The following FNDC3B variants were observed in gnomAD, a reference collection of about 807,000 sequenced individuals.
FNDC3B encodes the protein fibronectin type III domain-containing protein 3B.
Under a neutral mutation model 151.5 loss-of-function variants are expected in FNDC3B, and 12 were observed. The observed-to-expected ratio is 0.08, with a 90% CI of 0.05 to 0.13. The LOEUF (loss-of-function observed/expected upper bound fraction) is 0.13, where lower values mean the gene tolerates loss of function less well. Among genes scored for constraint, FNDC3B ranks in the 10% least tolerant of loss-of-function variants. The pLI is 1.00. For synonymous variants in FNDC3B, 528 were observed against 549.0 expected, an observed-to-expected ratio of 0.96 and a Z score of 0.54; for missense variants, 1,214 against 1,505.3, an observed-to-expected ratio of 0.81 and a Z score of 3.20.
chr3:172,217,976 CT>C (rs1726080396), intron 3 of FNDC3B, among the ~76,000 whole-genome samples: 1 of 151,994 alleles, frequency 6.6e-6, no homozygotes, highest in African/African-American at 2.4e-5. Context: ...AGTTTTGGTT[CT>C]TGGTAGTGAT....
chr3:172,222,980 A>T (rs1726364408), intron 3 of FNDC3B, among the ~76,000 whole-genome samples: 1 of 152,244 alleles, frequency 6.6e-6, no homozygotes, highest in African/African-American at 2.4e-5. Context: ...GAATACTGTC[A>T]TACAATCATT....
intron 2 of FNDC3B, among the ~76,000 whole-genome samples, chr3:172,128,677 T>C (rs1403276406): frequency 2.6e-5 from 4 of 152,222 alleles, no homozygotes; most frequent in Non-Finnish European, 5.9e-5. Flanking sequence ...TATTAGGTAT[T>C]CCTGGCTAGA....
intron 13 of FNDC3B, among the ~76,000 whole-genome samples, chr3:172,331,973 C>G (rs535628968): frequency 6.6e-6 from 1 of 152,054 alleles, no homozygotes; most frequent in African/African-American, 2.4e-5. Flanking sequence ...AGGGTTTGTG[C>G]TTGTTTGTTT....
intron 6 of FNDC3B, among the ~76,000 whole-genome samples, chr3:172,263,597 T>G (rs1270773120): frequency 4.6e-5 from 5 of 107,966 alleles, no homozygotes; most frequent in Admixed American, 3.5e-4. Flanking sequence ...TTTTTTTTTT[T>G]TTTTTTTTTT....
intron 11 of FNDC3B, among the ~76,000 whole-genome samples, chr3:172,321,437 G>T (rs1318442616): frequency 6.6e-6 from 1 of 152,190 alleles, no homozygotes; most frequent in African/African-American, 2.4e-5. Flanking sequence ...ATTCAGAGAG[G>T]TCCTTACTTT....
chr3:172,152,166 T>C (rs1722257918), intron 3 of FNDC3B, among the ~76,000 whole-genome samples: 1 of 152,244 alleles, frequency 6.6e-6, no homozygotes, highest in Non-Finnish European at 1.5e-5. Flanking sequence ...TTGTTTTGGC[T>C]GCCAATTCCT....
intron 25 of FNDC3B, among the ~76,000 whole-genome samples, chr3:172,392,033 A>G (rs1560113695): frequency 1.3e-5 from 2 of 152,246 alleles, no homozygotes; most frequent in African/African-American, 2.4e-5. Flanking sequence ...ATGTTGGGAA[A>G]TAACTTACAG....
At chr3:172,270,335 G>A (rs376634614) in intron 6 of FNDC3B, among the ~76,000 whole-genome samples, 8 of 152,242 alleles carry the variant, frequency 5.3e-5, no homozygotes, top group East Asian at 1.9e-4. Flanking sequence ...TTTTCCTTTC[G>A]AACTTAGCAT....
intron 25 of FNDC3B, among the ~76,000 whole-genome samples, chr3:172,394,215 G>T (rs534394718): frequency 7.3e-4 from 109 of 148,630 alleles, no homozygotes; most frequent in African/African-American, 2.7e-3. Context: ...AGATCCCAAC[G>T]TAACATTATA....
At chr3:172,169,444 C>T (rs1166719779) in intron 3 of FNDC3B, among the ~76,000 whole-genome samples, 1 of 152,196 alleles carries the variant, frequency 6.6e-6, no homozygotes, top group African/African-American at 2.4e-5. Flanking sequence ...GGGTTAAATG[C>T]TTCCTAGAGT....
At chr3:172,245,342 G>C (rs1248980498) in intron 4 of FNDC3B, among the ~76,000 whole-genome samples, 1 of 152,136 alleles carries the variant, frequency 6.6e-6, no homozygotes, top group Admixed American at 6.5e-5. Context: ...ACTTTTGGAA[G>C]TTTTACACTG....
intron 1 of FNDC3B, among the ~76,000 whole-genome samples, chr3:172,097,614 G>A (rs937360920): frequency 3.3e-5 from 5 of 152,040 alleles, no homozygotes; most frequent in East Asian, 1.9e-4. Context: ...CAACTTATTC[G>A]TTATTCTATT....
intron 18 of FNDC3B, among the ~76,000 whole-genome samples, chr3:172,343,884 C>T (rs1467708746): frequency 6.6e-6 from 1 of 152,106 alleles, no homozygotes; most frequent in African/African-American, 2.4e-5. Flanking sequence ...CTTCAGTGGA[C>T]CCGCTTTGGA....
At position 172,051,077 on chromosome 3, in the gene FNDC3B, TTTC is replaced by T. The variant is rs1484818674; in HGVS notation, c.-29+11312_-29+11314del. Among the ~76,000 whole-genome samples the T allele has an allele frequency of 2.0e-4, 30 of 151,862 alleles. No individual in the cohort carries two copies. In the East Asian group the frequency reaches 5.8e-3, roughly 29 times the overall value. ...TCATTTTAGATAACTTATCATTTTC[TTTC>T]TTCTTTTTTTTTTTTTTTTGGAGAT... On this transcript the variant is annotated intron_variant, in intron 1 of 25. Coordinates refer to ENST00000415807, the MANE Select transcript of FNDC3B (RefSeq NM_022763.4).
chr3:172,125,031 C>G (rs1400092269), intron 2 of FNDC3B, among the ~76,000 whole-genome samples: 1 of 152,208 alleles, frequency 6.6e-6, no homozygotes, highest in Non-Finnish European at 1.5e-5. Flanking sequence ...TCAGATCCTA[C>G]CTTCTGGGAA....
chr3:172,358,236 G>A (rs770082153), intron 22 of FNDC3B, among the ~76,000 whole-genome samples: 16 of 152,242 alleles, frequency 1.1e-4, no homozygotes, highest in Non-Finnish European at 1.9e-4. Context: ...AGATGATATT[G>A]TAGATGTCAA....
chr3:172,175,525 A>G (rs1226208617), intron 3 of FNDC3B, among the ~76,000 whole-genome samples: 4 of 152,220 alleles, frequency 2.6e-5, no homozygotes, highest in Admixed American at 2.6e-4. Flanking sequence ...GGGGCCATTT[A>G]GAGTATGTGT....
intron 2 of FNDC3B, among the ~76,000 whole-genome samples, chr3:172,130,011 A>G (rs1720991202): frequency 6.6e-6 from 1 of 151,448 alleles, no homozygotes; most frequent in African/African-American, 2.4e-5. Flanking sequence ...AGGGAGGGGG[A>G]GAGAGAGAAA....
chr3:172,360,230 T>C (rs1213467983), intron 22 of FNDC3B, among the ~76,000 whole-genome samples: 2 of 152,220 alleles, frequency 1.3e-5, no homozygotes, highest in African/African-American at 4.8e-5. Flanking sequence ...CATGTTTTTG[T>C]GTCCTTATTT....
Sources: allele counts gnomAD v4.1 joint callset (sites outside exome capture counted in the v4.1 genomes callset), GRCh38; gene constraint gnomAD v4.1.1; transcripts MANE v1.5; gene names NCBI Gene and HGNC (gene_info 2026-07-23, HGNC 2026-07-21).